Variants in FRMD4A observed in about 807,000 individuals in gnomAD.
FRMD4A encodes FERM domain containing 4A.
Under a neutral mutation model 129.1 loss-of-function variants are expected in FRMD4A, and 29 were observed. That is an observed-to-expected ratio of 0.22 (90% CI 0.17 to 0.31). The LOEUF is 0.31. Among genes scored for constraint, FRMD4A ranks in the 10% least tolerant of loss-of-function variants. The pLI is 1.00. For missense variants in FRMD4A, 1,272 were observed against 1,375.8 expected, an observed-to-expected ratio of 0.92 and a Z score of 1.19; for synonymous variants, 634 against 571.6, an observed-to-expected ratio of 1.11 and a Z score of -1.56.
chr10:14,122,580 C>T (rs1372895835), intron 2 of FRMD4A, among the ~76,000 whole-genome samples: 2 of 114,322 alleles, frequency 1.7e-5, no homozygotes, highest in African/African-American at 3.4e-5. Context: ...GCATATCACA[C>T]GGGTAGAGAA....
chr10:14,141,658 C>G (rs906560687), intron 2 of FRMD4A, among the ~76,000 whole-genome samples: 1 of 152,136 alleles, frequency 6.6e-6, no homozygotes, highest in Non-Finnish European at 1.5e-5. Flanking sequence ...TTCCCCTGTC[C>G]TTCGATGATC....
chr10:13,674,609 A>G (rs1304866946), intron 16 of FRMD4A, among the ~76,000 whole-genome samples: 2 of 152,226 alleles, frequency 1.3e-5, no homozygotes. Flanking sequence ...ATTCGCTAAT[A>G]TTAACAGTAT....
chr10:14,313,632 AATCTG>A (rs56984545), intron 2 of FRMD4A, among the ~76,000 whole-genome samples: 113,093 of 151,472 alleles, frequency 0.75, 43,243 homozygotes, highest in Non-Finnish European at 0.83. Context: ...TTTGGACAGG[AATCTG>A]ATTGGTGTCA....
intron 2 of FRMD4A, among the ~76,000 whole-genome samples, chr10:14,322,991 T>C (rs1843123411): frequency 6.6e-6 from 1 of 152,244 alleles, no homozygotes; most frequent in Admixed American, 6.5e-5. Flanking sequence ...GCCCATATTT[T>C]AGTCATCTCC....
At chr10:13,765,749 G>A (rs903555767) in intron 6 of FRMD4A, among the ~76,000 whole-genome samples, 1 of 152,172 alleles carries the variant, frequency 6.6e-6, no homozygotes, top group Non-Finnish European at 1.5e-5. Context: ...GGATTAGCAG[G>A]TCCCATCAGA....
chr10:14,289,201 T>C (rs78250756), intron 2 of FRMD4A, among the ~76,000 whole-genome samples: 1,523 of 152,286 alleles, frequency 0.01, 27 homozygotes, highest in African/African-American at 0.035. Flanking sequence ...TATACCGTTT[T>C]GTATAGTGGC....
At chr10:13,966,716 A>C (rs2095487467) in intron 2 of FRMD4A, among the ~76,000 whole-genome samples, 1 of 152,244 alleles carries the variant, frequency 6.6e-6, no homozygotes, top group Admixed American at 6.5e-5. Flanking sequence ...TGGAGTGATC[A>C]CATTCTTTCT....
intron 3 of FRMD4A, among the ~76,000 whole-genome samples, chr10:13,826,269 G>T (rs1411178352): frequency 6.6e-6 from 1 of 152,158 alleles, no homozygotes; most frequent in Non-Finnish European, 1.5e-5. Flanking sequence ...ACCCTTCAGG[G>T]TGAGCTGTCA....
intron 13 of FRMD4A, among the ~76,000 whole-genome samples, chr10:13,703,191 G>A (rs2087040897): frequency 6.6e-6 from 1 of 152,166 alleles, no homozygotes; most frequent in Admixed American, 6.5e-5. Flanking sequence ...GGTACCGGGA[G>A]GGCAGAAGAG....
intron 5 of FRMD4A, among the ~76,000 whole-genome samples, chr10:13,790,528 C>T (rs959874214): frequency 3.3e-5 from 5 of 152,078 alleles, no homozygotes; most frequent in Non-Finnish European, 5.9e-5. Flanking sequence ...GAACCTGCCC[C>T]GAGCCAGGGA....
intron 2 of FRMD4A, among the ~76,000 whole-genome samples, chr10:13,997,255 C>A (rs1323762100): frequency 6.6e-6 from 1 of 152,074 alleles, no homozygotes; most frequent in Non-Finnish European, 1.5e-5. Flanking sequence ...GAGGAACATG[C>A]TGTTTCTTTG....
chr10:13,749,097 G>C (rs2091437584), intron 8 of FRMD4A, among the ~76,000 whole-genome samples: 1 of 152,150 alleles, frequency 6.6e-6, no homozygotes, highest in African/African-American at 2.4e-5. Context: ...ACTACCTCCA[G>C]AGCAACAAAC....
intron 2 of FRMD4A, among the ~76,000 whole-genome samples, chr10:14,162,542 T>C (rs1840945774): frequency 6.6e-6 from 1 of 151,836 alleles, no homozygotes; most frequent in Admixed American, 6.6e-5. Flanking sequence ...GAAGGGGATG[T>C]GTGGGGCACA....
At chr10:14,052,396 G>A (rs1265252154) in intron 2 of FRMD4A, among the ~76,000 whole-genome samples, 1 of 152,178 alleles carries the variant, frequency 6.6e-6, no homozygotes, top group African/African-American at 2.4e-5. Context: ...AAGAAAAGAG[G>A]TTTATTTGGC....
intron 11 of FRMD4A, 143 bp from the exon 12 acceptor site, chr10:13,738,073 T>A: frequency 1.6e-6 from 1 of 626,048 alleles, no homozygotes. Context: ...ACTTTGTTTC[T>A]TAACAGATGC....
intron 2 of FRMD4A, among the ~76,000 whole-genome samples, chr10:14,257,055 G>A (rs1844639132): frequency 6.6e-6 from 1 of 152,156 alleles, no homozygotes; most frequent in Admixed American, 6.5e-5. Flanking sequence ...CTGGCTGGGT[G>A]TAGTGGCTCA....
chr10:14,298,212 T>C (rs1348027150), intron 2 of FRMD4A, among the ~76,000 whole-genome samples: 1 of 152,188 alleles, frequency 6.6e-6, no homozygotes, highest in East Asian at 1.9e-4. Context: ...CTCTGCACCA[T>C]ATCAAAAACT....
At position 14,008,481 on chromosome 10, in the gene FRMD4A, G is replaced by A. The variant is rs1357479401; in HGVS notation, c.46-149569C>T. ...CGTGTCCCGCTTGTGGGCAAGTGACGCGTCTGGGGAGAGTGATCCAGAAAT... is the reference window on the plus strand; with the variant it reads ...CGTGTCCCGCTTGTGGGCAAGTGACACGTCTGGGGAGAGTGATCCAGAAAT... On this transcript the variant is annotated intron_variant, in intron 2 of 24. Transcript: ENST00000357447. The A allele has an allele frequency of 1.2e-5, 12 of 995,116 alleles. 1 individual carries two copies. The South Asian group carries it at 4.1e-4, about 34-fold the overall frequency. The allele number at this position is 995,116 out of a possible 1,614,324, so 61.6% of individuals were successfully genotyped here.
intron 3 of FRMD4A, among the ~76,000 whole-genome samples, chr10:13,850,354 T>C (rs919206605): frequency 6.6e-6 from 1 of 152,172 alleles, no homozygotes; most frequent in Non-Finnish European, 1.5e-5. Flanking sequence ...TGACAGCCCA[T>C]ATTAATGTAC....
Sources: allele counts gnomAD v4.1 joint callset (sites outside exome capture counted in the v4.1 genomes callset), GRCh38; gene constraint gnomAD v4.1.1; transcripts MANE v1.5; gene names NCBI Gene and HGNC (gene_info 2026-07-23, HGNC 2026-07-21).